The following TENM2 variants were observed in gnomAD, a reference collection of about 807,000 sequenced individuals.
TENM2 encodes the protein teneurin-2.
A neutral mutation model predicts 245.2 loss-of-function variants in TENM2; 52 were observed. The ratio of observed to expected loss-of-function variants is 0.21; its 90% confidence interval spans 0.17 to 0.27. The LOEUF (loss-of-function observed/expected upper bound fraction) is 0.27. TENM2 is among the 10% of genes least tolerant of loss of function. TENM2 has a pLI of 1.00. For synonymous variants in TENM2, 1,363 were observed against 1,438.9 expected, an observed-to-expected ratio of 0.95 and a Z score of 1.19; for missense variants, 3,046 against 3,666.8, an observed-to-expected ratio of 0.83 and a Z score of 4.37.
chr5:168,169,361 T>TC (rs1287484238), intron 13 of TENM2, among the ~76,000 whole-genome samples: 2 of 152,146 alleles, frequency 1.3e-5, no homozygotes, highest in African/African-American at 4.8e-5. Flanking sequence ...TCTGCAAGGC[T>TC]CGGTTCCTTG....
At chr5:167,781,888 A>C (rs1461692944) in intron 2 of TENM2, among the ~76,000 whole-genome samples, 1 of 152,118 alleles carries the variant, frequency 6.6e-6, no homozygotes, top group African/African-American at 2.4e-5. Flanking sequence ...GTGAAGGGGC[A>C]CACCTAGCTA....
At chr5:167,836,858 G>A (rs772258605) in intron 2 of TENM2, among the ~76,000 whole-genome samples, 3 of 152,082 alleles carry the variant, frequency 2.0e-5, no homozygotes, top group Non-Finnish European at 2.9e-5. Flanking sequence ...TATCTCAGCC[G>A]GTTCTTTGAC....
intron 27 of TENM2, among the ~76,000 whole-genome samples, chr5:168,258,070 G>T (rs1469151171): frequency 6.6e-6 from 1 of 152,134 alleles, no homozygotes; most frequent in African/African-American, 2.4e-5. Context: ...AGGACCTATT[G>T]TGAAAGTAAA....
At chr5:168,041,186 T>C (rs181566627) in intron 5 of TENM2, among the ~76,000 whole-genome samples, 1 of 152,322 alleles carries the variant, frequency 6.6e-6, no homozygotes, top group East Asian at 1.9e-4. Context: ...GTTGCATGTG[T>C]CTGGGTCTAA....
chr5:167,893,953 G>A (rs1052563131), intron 3 of TENM2, among the ~76,000 whole-genome samples: 4 of 152,168 alleles, frequency 2.6e-5, no homozygotes, highest in Non-Finnish European at 5.9e-5. Context: ...AAATACTGCA[G>A]TCGTTTTTCC....
intron 1 of TENM2, among the ~76,000 whole-genome samples, chr5:167,340,402 G>T (rs1444029990): frequency 2.0e-5 from 3 of 152,202 alleles, no homozygotes; most frequent in South Asian, 2.1e-4. Context: ...TTTTTTAACA[G>T]TTCTGGAAGT....
At chr5:167,352,389 CT>C (rs1758973788) in intron 1 of TENM2, among the ~76,000 whole-genome samples, 1 of 152,132 alleles carries the variant, frequency 6.6e-6, no homozygotes, top group South Asian at 2.1e-4. Flanking sequence ...AAATTTTTAT[CT>C]TTTTCAGGTA....
At chr5:167,059,914 G>T in the TENM2 span, among the ~76,000 whole-genome samples, 408 of 152,132 alleles carry the variant, frequency 2.7e-3, no homozygotes, top group Non-Finnish European at 4.8e-3. Context: ...ATGTTGCCAG[G>T]CTGTTCTCAA....
chr5:167,070,736 G>A, the TENM2 span, among the ~76,000 whole-genome samples: 2 of 152,038 alleles, frequency 1.3e-5, no homozygotes, highest in Non-Finnish European at 2.9e-5. Context: ...TGAAGACCAG[G>A]CACTTGAGCT....
At chr5:167,283,488 C>T (rs750434183), upstream of TENM2, among the ~76,000 whole-genome samples, 6 of 152,190 alleles carry the variant, frequency 3.9e-5, no homozygotes. Context: ...GGAGGGGCTA[C>T]TTGGCTTCTG....
At chr5:168,134,551 G>T (rs1325858820) in intron 12 of TENM2, among the ~76,000 whole-genome samples, 1 of 152,106 alleles carries the variant, frequency 6.6e-6, no homozygotes, top group Non-Finnish European at 1.5e-5. Context: ...GCTGGGTGTG[G>T]TGGCGAGCAC....
At chr5:167,552,950 T>TG (rs58916934) in intron 2 of TENM2, among the ~76,000 whole-genome samples, 21 of 152,064 alleles carry the variant, frequency 1.4e-4, no homozygotes, top group African/African-American at 3.6e-4. Flanking sequence ...AATGAATGAA[T>TG]AAGTGAGACA....
intron 13 of TENM2, among the ~76,000 whole-genome samples, chr5:168,182,934 G>T (rs1048452626): frequency 6.7e-6 from 1 of 149,316 alleles, no homozygotes; most frequent in African/African-American, 2.5e-5. Context: ...GCGTTCAAGC[G>T]ATTCTTCTGC....
chr5:168,188,563 C>T (rs1760678253), intron 13 of TENM2, among the ~76,000 whole-genome samples: 1 of 152,172 alleles, frequency 6.6e-6, no homozygotes, highest in Admixed American at 6.5e-5. Context: ...GTTGAGTGCC[C>T]GATTCTGTGC....
intron 2 of TENM2, among the ~76,000 whole-genome samples, chr5:167,467,238 A>G (rs1037743868): frequency 6.6e-6 from 1 of 152,062 alleles, no homozygotes; most frequent in African/African-American, 2.4e-5. Flanking sequence ...TGATGGTTTT[A>G]TAAGTGTTTG....
At chr5:167,799,086 T>C (rs1044394865) in intron 2 of TENM2, among the ~76,000 whole-genome samples, 15 of 152,118 alleles carry the variant, frequency 9.9e-5, no homozygotes, top group African/African-American at 3.4e-4. Context: ...CAAGCCCCTA[T>C]AGTGGCCCTC....
intron 2 of TENM2, among the ~76,000 whole-genome samples, chr5:167,835,172 C>A (rs910792122): frequency 1.3e-5 from 2 of 152,130 alleles, no homozygotes; most frequent in Non-Finnish European, 2.9e-5. Context: ...ATATAAAGTG[C>A]CTGGCTCTGA....
chr5:167,807,206 CACCT>C (rs1766268146), intron 2 of TENM2, among the ~76,000 whole-genome samples: 1 of 103,696 alleles, frequency 9.6e-6, no homozygotes, highest in East Asian at 5.7e-4. Context: ...GTTTTGCTGT[CACCT>C]CCCAGTAGCT....
chr5:167,873,346 T>C (rs1561882895), intron 2 of TENM2, among the ~76,000 whole-genome samples: 1 of 151,908 alleles, frequency 6.6e-6, no homozygotes, highest in Non-Finnish European at 1.5e-5. Flanking sequence ...TCACTCTCCT[T>C]CTTTTATGTC....
Sources: allele counts gnomAD v4.1 joint callset (sites outside exome capture counted in the v4.1 genomes callset), GRCh38; gene constraint gnomAD v4.1.1; transcripts MANE v1.5; gene names NCBI Gene and HGNC (gene_info 2026-07-23, HGNC 2026-07-21).